Variants in KCND2 observed in about 807,000 individuals in gnomAD.
KCND2 encodes the protein A-type voltage-gated potassium channel KCND2.
Under a neutral mutation model 54.4 loss-of-function variants are expected in KCND2, and 16 were observed. The observed-to-expected ratio is 0.29, with a 90% CI of 0.20 to 0.45. The LOEUF (loss-of-function observed/expected upper bound fraction) is 0.45, where lower values mean the gene tolerates loss of function less well. Ranked by LOEUF, KCND2 falls within the 20% of genes least tolerant of loss-of-function variation. The pLI is 1.00. For synonymous variants in KCND2, 317 were observed against 310.7 expected (o/e 1.02, Z -0.21); for missense variants, 486 against 824.2 (o/e 0.59, Z 5.02).
intron 1 of KCND2, among the ~76,000 whole-genome samples, chr7:120,292,415 CAT>C (rs1455961905): frequency 1.3e-5 from 2 of 151,838 alleles, no homozygotes; most frequent in African/African-American, 4.8e-5. Flanking sequence ...AATTTAGTGA[CAT>C]GTTTCACAGA....
chr7:120,315,801 TG>T (rs2116322233), intron 1 of KCND2, among the ~76,000 whole-genome samples: 1 of 151,236 alleles, frequency 6.6e-6, no homozygotes, highest in African/African-American at 2.4e-5. Flanking sequence ...TGTGTGTGTG[TG>T]TGTGTGTGTG....
At chr7:120,477,128 T>C (rs1221857588) in intron 1 of KCND2, among the ~76,000 whole-genome samples, 1 of 152,226 alleles carries the variant, frequency 6.6e-6, no homozygotes, top group East Asian at 1.9e-4. Flanking sequence ...GCTCTTACTG[T>C]GCACTGTTAT....
chr7:120,364,523 T>C (rs1800638879), intron 1 of KCND2, among the ~76,000 whole-genome samples: 1 of 152,100 alleles, frequency 6.6e-6, no homozygotes, highest in African/African-American at 2.4e-5. Context: ...ATACTTTATT[T>C]AGGATTAATG....
chr7:120,709,025 T>G (rs574611154), intron 1 of KCND2, among the ~76,000 whole-genome samples: 2 of 152,106 alleles, frequency 1.3e-5, no homozygotes, highest in African/African-American at 4.8e-5. Context: ...AAATTCTCTG[T>G]GTATTCAAAG....
chr7:120,440,960 A>G (rs1801937652), intron 1 of KCND2, among the ~76,000 whole-genome samples: 1 of 152,094 alleles, frequency 6.6e-6, no homozygotes, highest in Admixed American at 6.6e-5. Flanking sequence ...AACAGTAGTT[A>G]GGAACCTTCT....
intron 1 of KCND2, among the ~76,000 whole-genome samples, chr7:120,311,734 C>T (rs964866512): frequency 6.6e-6 from 1 of 152,094 alleles, no homozygotes; most frequent in African/African-American, 2.4e-5. Context: ...CTCTACCCTC[C>T]AAAAGGCCCC....
At chr7:120,571,574 TAA>T (rs1792366783) in intron 1 of KCND2, among the ~76,000 whole-genome samples, 3 of 152,192 alleles carry the variant, frequency 2.0e-5, no homozygotes, top group Admixed American at 2.0e-4. Flanking sequence ...GGAAACAATA[TAA>T]GTTTAGATTT....
At chr7:120,636,012 C>T (rs143917970) in intron 1 of KCND2, among the ~76,000 whole-genome samples, 20 of 152,156 alleles carry the variant, frequency 1.3e-4, no homozygotes, top group South Asian at 8.3e-4. Flanking sequence ...AGTGCTGAAA[C>T]GCAACTGTGG....
intron 1 of KCND2, among the ~76,000 whole-genome samples, chr7:120,613,540 G>T (rs553719269): frequency 6.6e-6 from 1 of 152,024 alleles, no homozygotes; most frequent in African/African-American, 2.4e-5. Context: ...TGGGGGGGAA[G>T]AAAGGAAAAG....
chr7:120,491,251 G>A (rs1190808342), intron 1 of KCND2, among the ~76,000 whole-genome samples: 1 of 152,110 alleles, frequency 6.6e-6, no homozygotes, highest in Non-Finnish European at 1.5e-5. Context: ...AAACTGTCTT[G>A]CTGGGTAAGT....
intron 2 of KCND2, among the ~76,000 whole-genome samples, chr7:120,734,221 A>G (rs1490454660): frequency 6.6e-6 from 1 of 152,140 alleles, no homozygotes; most frequent in African/African-American, 2.4e-5. Context: ...TTGATTGGCC[A>G]AAACTCAGCG....
At chr7:120,335,402 C>A (rs1800132924) in intron 1 of KCND2, among the ~76,000 whole-genome samples, 1 of 147,066 alleles carries the variant, frequency 6.8e-6, no homozygotes, top group South Asian at 2.2e-4. Flanking sequence ...TATAAATGAA[C>A]CTGATAGCAG....
chr7:120,467,651 T>A (rs1802398747), intron 1 of KCND2, among the ~76,000 whole-genome samples: 2 of 152,230 alleles, frequency 1.3e-5, no homozygotes, highest in East Asian at 1.9e-4. Context: ...AATGGTCAAT[T>A]GGAGGTCGCT....
At chr7:120,316,429 C>T (rs1230375478) in intron 1 of KCND2, among the ~76,000 whole-genome samples, 1 of 152,146 alleles carries the variant, frequency 6.6e-6, no homozygotes, top group East Asian at 1.9e-4. Context: ...TCATAACTAC[C>T]TTGAACTTAC....
At chr7:120,404,895 G>A (rs1801328344) in intron 1 of KCND2, among the ~76,000 whole-genome samples, 1 of 151,972 alleles carries the variant, frequency 6.6e-6, no homozygotes, top group African/African-American at 2.4e-5. Flanking sequence ...GATAAAATCA[G>A]GCACCTCATT....
chr7:120,690,476 C>T (rs926128493), intron 1 of KCND2, among the ~76,000 whole-genome samples: 2 of 152,194 alleles, frequency 1.3e-5, no homozygotes, highest in African/African-American at 4.8e-5. Flanking sequence ...CTTGCACAGA[C>T]ATGCTGAGGT....
At chr7:120,717,508 G>A (rs1792618357) in intron 1 of KCND2, among the ~76,000 whole-genome samples, 2 of 152,130 alleles carry the variant, frequency 1.3e-5, no homozygotes, top group Admixed American at 6.6e-5. Flanking sequence ...CAAAACAGTA[G>A]ATAAGAGAGG....
intron 1 of KCND2, among the ~76,000 whole-genome samples, chr7:120,607,314 G>A (rs1404796334): frequency 2.6e-5 from 4 of 151,950 alleles, no homozygotes; most frequent in African/African-American, 9.7e-5. Context: ...ATGAAGGAGA[G>A]GTTTTCAGAG....
At chr7:120,424,476 C>A (rs1366808388) in intron 1 of KCND2, among the ~76,000 whole-genome samples, 2 of 152,160 alleles carry the variant, frequency 1.3e-5, no homozygotes, top group African/African-American at 4.8e-5. Context: ...CCATGTAAAC[C>A]AATCACCACA....
Sources: allele counts gnomAD v4.1 joint callset (sites outside exome capture counted in the v4.1 genomes callset), GRCh38; gene constraint gnomAD v4.1.1; transcripts MANE v1.5; gene names NCBI Gene and HGNC (gene_info 2026-07-23, HGNC 2026-07-21).